ITSN1: variants seen among roughly 807,000 people sequenced by gnomAD.
ITSN1 encodes the protein intersectin 1, also known as intersectin-1.
ITSN1 carries 58 observed loss-of-function variants against 239.8 expected under a neutral mutation model. That is an observed-to-expected ratio of 0.24 (90% CI 0.20 to 0.30). ITSN1 has a LOEUF of 0.30. Among genes scored for constraint, ITSN1 ranks in the 10% least tolerant of loss-of-function variants. The pLI, the probability that ITSN1 is intolerant of heterozygous loss-of-function variation, is 1.00. For synonymous variants in ITSN1, 780 were observed against 770.8 expected (o/e 1.01, Z -0.20); for missense variants, 1,558 against 2,103.3 (o/e 0.74, Z 5.07).
chr21:33,742,126 G>T lies in ITSN1; in HGVS notation c.346+6922G>T, dbSNP rs1483850329. 4.1e-5 allele frequency among the ~76,000 whole-genome samples: 6 copies of T among 147,722 alleles called. No homozygotes were observed. The Admixed American group carries it at 4.1e-4, about 10-fold the overall frequency. On this transcript the variant is annotated intron_variant, in intron 5 of 39. Coordinates refer to ENST00000381318, the MANE Select transcript of ITSN1 (RefSeq NM_003024.3). Reference sequence around the variant, plus strand: ...GGCTGGAGTGCAGTGGCACCTTCTCGGCTCACTGCAACCTCCGCTTCCTGG... The same window carrying T: ...GGCTGGAGTGCAGTGGCACCTTCTCTGCTCACTGCAACCTCCGCTTCCTGG...
chr21:33,656,491 G>T (rs1176895027), intron 1 of ITSN1, among the ~76,000 whole-genome samples: 1 of 152,178 alleles, frequency 6.6e-6, no homozygotes, highest in Non-Finnish European at 1.5e-5. Context: ...GTGTGCATCT[G>T]TATAGGGGGT....
intron 16 of ITSN1, among the ~76,000 whole-genome samples, chr21:33,783,907 T>C (rs1210837135): frequency 6.6e-6 from 1 of 152,190 alleles, no homozygotes; most frequent in African/African-American, 2.4e-5. Context: ...GATAAATGTC[T>C]AGAAGATTAA....
chr21:33,850,512 C>T (rs567342844), intron 29 of ITSN1, among the ~76,000 whole-genome samples: 3 of 152,172 alleles, frequency 2.0e-5, no homozygotes, highest in Non-Finnish European at 4.4e-5. Context: ...GTGCAAAGTG[C>T]CTGCAACTCA....
intron 5 of ITSN1, among the ~76,000 whole-genome samples, chr21:33,741,915 A>AAG (rs35627000): frequency 2.1e-5 from 3 of 146,336 alleles, no homozygotes; most frequent in South Asian, 2.2e-4. Context: ...AAAAAAAAAA[A>AAG]GGAAATAGTC....
At chr21:33,681,642 TTTTATTTTA>T (rs2090962079) in intron 1 of ITSN1, among the ~76,000 whole-genome samples, 1 of 151,110 alleles carries the variant, frequency 6.6e-6, no homozygotes, top group Non-Finnish European at 1.5e-5. Context: ...TTTTATTTTA[TTTTATTTTA>T]TTTTATTTTT....
chr21:33,694,832 C>G (rs2091723444), intron 1 of ITSN1, among the ~76,000 whole-genome samples: 1 of 151,952 alleles, frequency 6.6e-6, no homozygotes, highest in Admixed American at 6.6e-5. Flanking sequence ...AAACAAAAAA[C>G]AAAAAACAGA....
chr21:33,781,686 C>T (rs2070197834), intron 15 of ITSN1, 138 bp downstream of exon 15: 1 of 591,362 alleles, frequency 1.7e-6, no homozygotes, highest in Non-Finnish European at 2.9e-6. Context: ...GTTCAAGATT[C>T]TCTTGCCTCA....
Position 33,667,134 on chromosome 21 carries a change from CT to C in ITSN1, c.-33+24434del, listed in dbSNP as rs905076898. Reference sequence around the variant, plus strand: ...TAAGCCACCACACCCAGCCTATTTGCTTTTTTTTTTTTTAAACTCTTTTTCT... The same window carrying C: ...TAAGCCACCACACCCAGCCTATTTGCTTTTTTTTTTTTAAACTCTTTTTCT... On this transcript the variant is annotated intron_variant, in intron 1 of 39. Transcript: ENST00000381318. Among the ~76,000 whole-genome samples the C allele has an allele frequency of 4.7e-3, 674 of 142,366 alleles. 3 individuals are homozygous for C. The highest frequency in any genetic ancestry group is 4.8e-3 in the Non-Finnish European group (313 of 64,570). 93.4% of individuals were successfully genotyped at this position (142,366 alleles called of 152,430 possible). A position where few individuals can be genotyped will look rare whatever the true frequency, so the allele number is the denominator to read the frequency against.
intron 1 of ITSN1, among the ~76,000 whole-genome samples, chr21:33,691,372 G>A (rs571612346): frequency 6.6e-6 from 1 of 152,118 alleles, no homozygotes; most frequent in Admixed American, 6.5e-5. Context: ...CTAACTAAGT[G>A]TTTTACTTAT....
intron 4 of ITSN1, among the ~76,000 whole-genome samples, chr21:33,726,683 G>A (rs2065854151): frequency 6.6e-6 from 1 of 151,948 alleles, no homozygotes; most frequent in Admixed American, 6.6e-5. Flanking sequence ...CACCATGCCT[G>A]GCTAATTTTT....
At chr21:33,732,018 A>G (rs2066218287) in intron 4 of ITSN1, among the ~76,000 whole-genome samples, 1 of 152,220 alleles carries the variant, frequency 6.6e-6, no homozygotes, top group Non-Finnish European at 1.5e-5. Flanking sequence ...GTCTGGAACA[A>G]TGGGACAACT....
At chr21:33,708,183 A>G (rs939268356) in intron 1 of ITSN1, among the ~76,000 whole-genome samples, 1 of 152,192 alleles carries the variant, frequency 6.6e-6, no homozygotes, top group African/African-American at 2.4e-5. Flanking sequence ...GTTATTTTAC[A>G]TCTCAGCCAT....
At chr21:33,649,626 T>C (rs922682432) in intron 1 of ITSN1, among the ~76,000 whole-genome samples, 3 of 152,140 alleles carry the variant, frequency 2.0e-5, no homozygotes, top group Admixed American at 6.5e-5. Context: ...GCTGGAGTCA[T>C]GTGGTAGTGC....
chr21:33,864,685 T>C (rs1380452359), intron 31 of ITSN1, among the ~76,000 whole-genome samples: 1 of 152,222 alleles, frequency 6.6e-6, no homozygotes, highest in Non-Finnish European at 1.5e-5. Flanking sequence ...CATGGGATTA[T>C]TTTGCCAAGG....
At chr21:33,701,787 T>C (rs2092022549) in intron 1 of ITSN1, among the ~76,000 whole-genome samples, 1 of 150,330 alleles carries the variant, frequency 6.7e-6, no homozygotes, top group African/African-American at 2.5e-5. Flanking sequence ...AGAGCGAGAC[T>C]CCATCTCAAA....
At chr21:33,782,985 A>G (rs952564749) in intron 16 of ITSN1, among the ~76,000 whole-genome samples, 3 of 152,192 alleles carry the variant, frequency 2.0e-5, no homozygotes, top group Non-Finnish European at 2.9e-5. Context: ...AGATCACGCC[A>G]CTGCACTCCA....
At chr21:33,646,866 G>A (rs1455786789) in intron 1 of ITSN1, among the ~76,000 whole-genome samples, 3 of 152,062 alleles carry the variant, frequency 2.0e-5, no homozygotes, top group African/African-American at 7.2e-5. Flanking sequence ...TGCGTCTATA[G>A]TCCCAGCTAC....
intron 20 of ITSN1, among the ~76,000 whole-genome samples, chr21:33,807,232 T>G (rs981221400): frequency 8.5e-5 from 13 of 152,204 alleles, no homozygotes; most frequent in Non-Finnish European, 1.5e-5. Flanking sequence ...TATGGCCCCC[T>G]CCTTCACTCC....
intron 33 of ITSN1, among the ~76,000 whole-genome samples, chr21:33,872,953 A>C (rs898632028): frequency 2.0e-5 from 3 of 152,240 alleles, no homozygotes; most frequent in Non-Finnish European, 4.4e-5. Context: ...AAAACAAATG[A>C]ATTTACTCAA....
Sources: gnomAD v4.1 joint callset for allele counts (sites outside exome capture counted in the v4.1 genomes callset) on GRCh38, gnomAD v4.1.1 for gene constraint, MANE v1.5 for transcripts, NCBI Gene and HGNC (gene_info 2026-07-23, HGNC 2026-07-21) for gene names.